The following MYO10 variants were observed in gnomAD, a reference collection of about 807,000 sequenced individuals.
MYO10 encodes myosin X.
In MYO10, 133 loss-of-function variants were observed where a neutral mutation model predicts 257.3. That is an observed-to-expected ratio of 0.52 (90% confidence interval 0.45 to 0.60). The LOEUF (loss-of-function observed/expected upper bound fraction) is 0.60, where lower values mean the gene tolerates loss of function less well. Among genes scored for constraint, MYO10 ranks in the 20% least tolerant of loss-of-function variants. The pLI is 0.00. For missense variants in MYO10, 2,399 were observed against 2,635.7 expected (o/e 0.91, Z 1.97); for synonymous variants, 1,104 against 1,028.6 (o/e 1.07, Z -1.40).
intron 2 of MYO10, among the ~76,000 whole-genome samples, chr5:16,863,824 G>A (rs996241415): frequency 1.3e-5 from 2 of 152,204 alleles, no homozygotes; most frequent in Non-Finnish European, 2.9e-5. Flanking sequence ...CGGGCCAGGT[G>A]CGGTGGCTCA....
intron 19 of MYO10, among the ~76,000 whole-genome samples, chr5:16,729,383 AAAATCC>A (rs1739492241): frequency 6.6e-6 from 1 of 152,202 alleles, no homozygotes; most frequent in Admixed American, 6.5e-5. Flanking sequence ...GTACAACGAT[AAAATCC>A]AAATATTTTT....
At chr5:16,858,522 G>A (rs1303445451) in intron 2 of MYO10, among the ~76,000 whole-genome samples, 1 of 151,110 alleles carries the variant, frequency 6.6e-6, no homozygotes, top group African/African-American at 2.4e-5. Context: ...ACAATATATT[G>A]AGCATTTCTG....
In MYO10 at chr5:16,711,788, AAAAAAAAAAGG is replaced by A. The variant is rs1738633419; in HGVS notation, c.1930-554_1930-544del. Among the ~76,000 whole-genome samples the A allele has an allele frequency of 5.4e-5, 8 of 146,948 alleles. No homozygotes were observed. In the South Asian group the frequency reaches 1.8e-3, roughly 32 times the overall value. Reference sequence around the variant, plus strand: ...TCTCAAAAAACAAAAAGAAAAAAAGAAAAAAAAAAGGAAAATCCCAAACATCGCATCACCTC... The same window carrying A: ...TCTCAAAAAACAAAAAGAAAAAAAGAAAAATCCCAAACATCGCATCACCTC... On this transcript the variant is annotated intron_variant, in intron 19 of 40. Coordinates refer to ENST00000513610, the MANE Select transcript of MYO10 (RefSeq NM_012334.3).
At chr5:16,684,030 G>A (rs1209012275) in intron 29 of MYO10, 95 bp from the exon 30 acceptor site, 1 of 1,136,790 alleles carries the variant, frequency 8.8e-7, no homozygotes, top group African/African-American at 1.6e-5. Context: ...CAATCAGACA[G>A]AAAAGGCTCT....
At chr5:16,901,197 T>C (rs1193963890) in intron 1 of MYO10, among the ~76,000 whole-genome samples, 1 of 152,108 alleles carries the variant, frequency 6.6e-6, no homozygotes, top group Non-Finnish European at 1.5e-5. Context: ...AGCCTGTTGC[T>C]TTGCCAGCAA....
rs1441415704 is a variant in MYO10 at position 16,664,859 on chromosome 5, G to GT, written c.*1832dup. ...GAGCAGTGGAGACAGCTGCAGATCTGTGTTTAGACCTGATGAGCAAGTCCA... is the reference window on the plus strand; with the variant it reads ...GAGCAGTGGAGACAGCTGCAGATCTGTTGTTTAGACCTGATGAGCAAGTCCA... On this transcript the variant is annotated 3_prime_UTR_variant, in exon 41 of 41. Coordinates refer to ENST00000513610, the MANE Select transcript of MYO10 (RefSeq NM_012334.3). 1 of 152,204 alleles carries GT rather than the reference G, an allele frequency of 6.6e-6. No homozygotes were observed. Among genetic ancestry groups the GT allele is most frequent in the Non-Finnish European group, 1.5e-5 (1 of 68,056 alleles). 9.4% of individuals were successfully genotyped at this position (152,204 alleles called of 1,614,324 possible). A position where few individuals can be genotyped will look rare whatever the true frequency, so the allele number is the denominator to read the frequency against.
Position 16,674,885 on chromosome 5 carries a change from C to G in MYO10, c.4932G>C (p.Gly1644=). The G allele has an allele frequency of 2.5e-6, 4 of 1,613,970 alleles. No individual in the cohort carries two copies. Among genetic ancestry groups the G allele is most frequent in the Non-Finnish European group, 3.4e-6 (4 of 1,179,890 alleles). ...GATGGAACTTGAGATACTTGAGAAT[C>G]CCTCGACTCGGCAGGAAGGTGCAGC... ...CLSCTFLPSR[G]ILKYLKFHLK... is the part of the protein sequence containing the mutation. The change falls in exon 35 of 41, where the codon GGG becomes GGC. Residue 1644 remains glycine (G), a synonymous_variant. Coordinates refer to ENST00000513610, the MANE Select transcript of MYO10 (RefSeq NM_012334.3).
rs181582751 is a variant in MYO10 at position 16,757,980 on chromosome 5, T to C, written c.1848+138A>G. 2.0e-3 allele frequency: 1,423 copies of C among 698,664 alleles called. 4 individuals are homozygous for C. The highest frequency in any genetic ancestry group is 3.5e-3 in the South Asian group (190 of 54,440). 43.3% of individuals were successfully genotyped at this position (698,664 alleles called of 1,614,324 possible). On this transcript the variant is annotated intron_variant, in intron 18 of 40. Coordinates refer to ENST00000513610, the MANE Select transcript of MYO10 (RefSeq NM_012334.3). ...ACTCTATTTTATTTCTAAAGCACTATCTGGTTTAAAAGCATGATATAAAAG... is the reference window on the plus strand; with the variant it reads ...ACTCTATTTTATTTCTAAAGCACTACCTGGTTTAAAAGCATGATATAAAAG...
At chr5:16,766,444 C>T (rs545715450) in intron 10 of MYO10, among the ~76,000 whole-genome samples, 2 of 152,064 alleles carry the variant, frequency 1.3e-5, no homozygotes, top group South Asian at 2.1e-4. Flanking sequence ...TTTGCAACTC[C>T]TTTTTTTTGA....
intron 12 of MYO10, 28 bp downstream of exon 12, chr5:16,764,222 T>A: frequency 6.2e-7 from 1 of 1,611,600 alleles, no homozygotes; most frequent in Non-Finnish European, 8.5e-7. Context: ...AGAAGAGAAT[T>A]CACGTGCTGC....
chr5:16,720,179 A>G (rs566437907), intron 19 of MYO10, among the ~76,000 whole-genome samples: 17 of 152,232 alleles, frequency 1.1e-4, no homozygotes, highest in African/African-American at 4.1e-4. Flanking sequence ...AATGGTAGAG[A>G]GCCCGAGATC....
intron 19 of MYO10, among the ~76,000 whole-genome samples, chr5:16,732,149 A>G (rs1011837936): frequency 3.9e-5 from 6 of 152,162 alleles, no homozygotes; most frequent in South Asian, 2.1e-4. Context: ...ATAATTCAAC[A>G]TATAAGAAAA....
At chr5:16,889,035 T>C (rs560589114) in intron 1 of MYO10, among the ~76,000 whole-genome samples, 8 of 151,984 alleles carry the variant, frequency 5.3e-5, no homozygotes, top group Non-Finnish European at 1.0e-4. Context: ...TAGCTGGGCA[T>C]GGTGGCACAT....
chr5:16,878,112 T>C (rs1270366657), intron 1 of MYO10, among the ~76,000 whole-genome samples: 4 of 152,152 alleles, frequency 2.6e-5, no homozygotes, highest in Non-Finnish European at 2.9e-5. Context: ...TGACAGGCAG[T>C]TGGGCTCCAG....
intron 18 of MYO10, among the ~76,000 whole-genome samples, chr5:16,756,161 C>A (rs1165643523): frequency 6.6e-6 from 1 of 152,184 alleles, no homozygotes; most frequent in Non-Finnish European, 1.5e-5. Context: ...CAGCTTCAAC[C>A]TTCCAGACTC....
Position 16,870,326 on chromosome 5 carries a change from TC to T in MYO10, c.120+7282del, listed in dbSNP as rs756205981. On this transcript the variant is annotated intron_variant, in intron 2 of 40. Transcript: ENST00000513610. ...ACGGAAGGGCTTGAGTGCTTCTTGCTCTTCATTTTAAGTAATTATGACCCTA... is the reference window on the plus strand; with the variant it reads ...ACGGAAGGGCTTGAGTGCTTCTTGCTTTCATTTTAAGTAATTATGACCCTA... Among the ~76,000 whole-genome samples, 28 of 151,486 alleles carry T rather than the reference TC, an allele frequency of 1.8e-4. 1 individual carries two copies. The highest frequency in any genetic ancestry group is 2.9e-4 in the Non-Finnish European group (20 of 68,010).
At chr5:16,796,416 GA>G (rs1174003991) in intron 3 of MYO10, among the ~76,000 whole-genome samples, 58 of 124,180 alleles carry the variant, frequency 4.7e-4, no homozygotes, top group African/African-American at 2.0e-3. Context: ...AGAAAGGAAA[GA>G]AAGGAAAAAG....
At chr5:16,923,168 T>C (rs997827058) in intron 1 of MYO10, among the ~76,000 whole-genome samples, 2 of 152,090 alleles carry the variant, frequency 1.3e-5, no homozygotes, top group Non-Finnish European at 2.9e-5. Context: ...CTGGGTCACA[T>C]CATGAGAAGA....
chr5:16,804,132 C>T (rs1742200929), intron 3 of MYO10, among the ~76,000 whole-genome samples: 1 of 152,230 alleles, frequency 6.6e-6, no homozygotes, highest in Non-Finnish European at 1.5e-5. Flanking sequence ...CACCCATCCA[C>T]CCACAGGGCT....
Sources: allele counts gnomAD v4.1 joint callset (sites outside exome capture counted in the v4.1 genomes callset), GRCh38; gene constraint gnomAD v4.1.1; transcripts MANE v1.5; gene names NCBI Gene and HGNC (gene_info 2026-07-23, HGNC 2026-07-21).